Variants in NKAIN3 observed in about 807,000 individuals in gnomAD.
NKAIN3 encodes sodium/potassium transporting ATPase interacting 3.
NKAIN3 carries 25 observed loss-of-function variants against 30.2 expected under a neutral mutation model. The ratio of observed to expected loss-of-function variants is 0.83; its 90% CI spans 0.60 to 1.16. The LOEUF (loss-of-function observed/expected upper bound fraction) is 1.16, where lower values mean the gene tolerates loss of function less well. Among genes scored for constraint, NKAIN3 ranks in the 50% most tolerant of loss-of-function variants. The pLI, the probability that NKAIN3 is intolerant of heterozygous loss-of-function variation, is 0.00. For missense variants in NKAIN3, 225 were observed against 254.1 expected, an observed-to-expected ratio of 0.89 and a Z score of 0.78; for synonymous variants, 91 against 89.6, an observed-to-expected ratio of 1.02 and a Z score of -0.09.
chr8:62,510,378 C>T (rs1173306965), intron 1 of NKAIN3, among the ~76,000 whole-genome samples: 3 of 152,118 alleles, frequency 2.0e-5, no homozygotes, highest in African/African-American at 7.2e-5. Context: ...TCAGGGCCAG[C>T]TTTGTCATCA....
chr8:62,560,439 T>C (rs1809529749), intron 1 of NKAIN3, among the ~76,000 whole-genome samples: 1 of 151,946 alleles, frequency 6.6e-6, no homozygotes, highest in Admixed American at 6.6e-5. Context: ...CTTTCAGTCT[T>C]TGTTCATTTT....
chr8:62,545,128 AAGGGTCAGCTAT>A (rs995065272), intron 1 of NKAIN3, among the ~76,000 whole-genome samples: 1 of 152,180 alleles, frequency 6.6e-6, no homozygotes, highest in African/African-American at 2.4e-5. Flanking sequence ...CATGTTGTTT[AAGGGTCAGCTAT>A]ACATATTTCC....
At chr8:62,588,274 G>T (rs957072274) in intron 2 of NKAIN3, among the ~76,000 whole-genome samples, 7 of 151,736 alleles carry the variant, frequency 4.6e-5, no homozygotes, top group African/African-American at 1.7e-4. Flanking sequence ...TTTATGAACA[G>T]AATATATTAC....
At chr8:62,461,433 CA>C (rs1003149492) in intron 1 of NKAIN3, among the ~76,000 whole-genome samples, 11 of 151,942 alleles carry the variant, frequency 7.2e-5, no homozygotes, top group African/African-American at 2.7e-4. Context: ...TTCAAAGGCA[CA>C]AAAAAACAGT....
At chr8:62,271,584 A>G (rs976171539) in intron 1 of NKAIN3, among the ~76,000 whole-genome samples, 1 of 152,224 alleles carries the variant, frequency 6.6e-6, no homozygotes, top group Admixed American at 6.5e-5. Context: ...GGAGTTTCAC[A>G]TAGTAAAGAG....
At chr8:62,938,051 T>C (rs567733878) in intron 5 of NKAIN3, among the ~76,000 whole-genome samples, 1 of 152,048 alleles carries the variant, frequency 6.6e-6, no homozygotes, top group Non-Finnish European at 1.5e-5. Flanking sequence ...TGGAAAGGCC[T>C]GTCCAAAGAG....
intron 1 of NKAIN3, among the ~76,000 whole-genome samples, chr8:62,315,024 G>A (rs964059986): frequency 2.6e-5 from 4 of 152,136 alleles, no homozygotes; most frequent in Non-Finnish European, 5.9e-5. Context: ...GGATATAATA[G>A]CCTGATGTTT....
intron 4 of NKAIN3, among the ~76,000 whole-genome samples, chr8:62,821,664 A>G (rs770498617): frequency 6.6e-6 from 1 of 152,162 alleles, no homozygotes; most frequent in African/African-American, 2.4e-5. Flanking sequence ...CCTGATCTAC[A>G]TCTTTAACAA....
chr8:62,542,236 C>T (rs2129896057), intron 1 of NKAIN3, among the ~76,000 whole-genome samples: 1 of 152,170 alleles, frequency 6.6e-6, no homozygotes, highest in East Asian at 1.9e-4. Context: ...AGCTTTACTC[C>T]CAATTAGCTT....
intron 4 of NKAIN3, among the ~76,000 whole-genome samples, chr8:62,759,351 A>T (rs1816564913): frequency 6.6e-6 from 1 of 152,190 alleles, no homozygotes; most frequent in African/African-American, 2.4e-5. Flanking sequence ...TAATGGTAGA[A>T]ATCAATTCAA....
intron 1 of NKAIN3, among the ~76,000 whole-genome samples, chr8:62,535,640 G>A (rs796348781): frequency 5.3e-5 from 8 of 152,238 alleles, no homozygotes; most frequent in African/African-American, 1.9e-4. Context: ...ATCAAGATGA[G>A]GAGATGTATA....
chr8:62,315,177 T>C (rs1296926297), intron 1 of NKAIN3, among the ~76,000 whole-genome samples: 1 of 152,206 alleles, frequency 6.6e-6, no homozygotes, highest in African/African-American at 2.4e-5. Flanking sequence ...TAATTGTACA[T>C]TATAGTTATT....
At chr8:62,957,813 C>T (rs1288501951) in intron 6 of NKAIN3, among the ~76,000 whole-genome samples, 1 of 152,124 alleles carries the variant, frequency 6.6e-6, no homozygotes, top group Admixed American at 6.5e-5. Flanking sequence ...TGTCCAAACC[C>T]ATGGAATGTA....
At chr8:62,484,520 G>A (rs78611621) in intron 1 of NKAIN3, among the ~76,000 whole-genome samples, 51 of 152,258 alleles carry the variant, frequency 3.3e-4, no homozygotes, top group Non-Finnish European at 6.2e-4. Flanking sequence ...AGGGAGCATT[G>A]CATCTTGGTT....
intron 4 of NKAIN3, among the ~76,000 whole-genome samples, chr8:62,853,940 A>G (rs540068441): frequency 9.9e-5 from 15 of 152,234 alleles, no homozygotes; most frequent in Admixed American, 6.5e-4. Context: ...TGATTTCTGC[A>G]ATGATTTCAT....
intron 4 of NKAIN3, among the ~76,000 whole-genome samples, chr8:62,890,732 G>A (rs1821274720): frequency 2.0e-5 from 3 of 152,198 alleles, no homozygotes; most frequent in South Asian, 2.1e-4. Flanking sequence ...AGAGGGACAG[G>A]ATTGAGGTAC....
chr8:62,597,505 T>A (rs1695721033), intron 3 of NKAIN3, among the ~76,000 whole-genome samples: 1 of 152,080 alleles, frequency 6.6e-6, no homozygotes, highest in Non-Finnish European at 1.5e-5. Flanking sequence ...TTTGTCTTTT[T>A]GTGTTTTAGT....
intron 4 of NKAIN3, among the ~76,000 whole-genome samples, chr8:62,882,330 G>GT (rs1168504621): frequency 1.3e-5 from 2 of 151,824 alleles, no homozygotes; most frequent in African/African-American, 4.8e-5. Context: ...TAATTTTTTA[G>GT]TTTTTTGAGA....
At chr8:62,641,627 T>G (rs1812310078) in intron 3 of NKAIN3, among the ~76,000 whole-genome samples, 1 of 152,162 alleles carries the variant, frequency 6.6e-6, no homozygotes, top group African/African-American at 2.4e-5. Context: ...GAGAAATGTT[T>G]CCTGGGCATT....
Sources: allele counts gnomAD v4.1 joint callset (sites outside exome capture counted in the v4.1 genomes callset), GRCh38; gene constraint gnomAD v4.1.1; transcripts MANE v1.5; gene names NCBI Gene and HGNC (gene_info 2026-07-23, HGNC 2026-07-21).